DLEU7: variants seen among roughly 807,000 people sequenced by gnomAD.
The protein encoded by DLEU7 is deleted in lymphocytic leukemia 7.
Under a neutral mutation model 16.0 loss-of-function variants are expected in DLEU7, and 17 were observed. The observed-to-expected ratio is 1.06, with a 90% confidence interval of 0.73 to 1.59. The LOEUF is 1.59. DLEU7 is among the 40% of genes most tolerant of loss of function. DLEU7 has a pLI of 0.00. For synonymous variants in DLEU7, 113 were observed against 139.8 expected, an observed-to-expected ratio of 0.81 and a Z score of 1.35; for missense variants, 308 against 314.9, an observed-to-expected ratio of 0.98 and a Z score of 0.17.
intron 1 of DLEU7, among the ~76,000 whole-genome samples, chr13:50,742,196 A>G (rs1406394058): frequency 1.3e-5 from 2 of 152,200 alleles, no homozygotes; most frequent in African/African-American, 2.4e-5. Flanking sequence ...GAACAAGAGT[A>G]ATAGTATACA....
At chr13:50,843,905 C>A (rs1877784188), upstream of DLEU7, 2 of 480,270 alleles carry the variant, frequency 4.2e-6, no homozygotes, top group Non-Finnish European at 7.3e-6. The surrounding 1 kb of genome is among the most constrained non-coding windows in gnomAD (Gnocchi z 5.7). Context: ...TGAAAATCAG[C>A]GAAATGCTGA....
chr13:50,823,857 T>C (rs921299735), intron 1 of DLEU7, among the ~76,000 whole-genome samples: 4 of 152,178 alleles, frequency 2.6e-5, no homozygotes, highest in African/African-American at 7.2e-5. Context: ...CTTGCCACCA[T>C]AAGGATAGCA....
intron 1 of DLEU7, among the ~76,000 whole-genome samples, chr13:50,837,192 TG>T (rs1877500552): frequency 6.6e-6 from 1 of 152,224 alleles, no homozygotes; most frequent in African/African-American, 2.4e-5. Context: ...CTAAGGCTCC[TG>T]ATGCATTTGC....
intron 1 of DLEU7, among the ~76,000 whole-genome samples, chr13:50,756,643 T>C (rs1874766946): frequency 2.0e-5 from 3 of 152,152 alleles, no homozygotes; most frequent in Non-Finnish European, 2.9e-5. Context: ...GCTACCTGCC[T>C]CCCAGCTGTG....
chr13:50,750,190 G>A (rs1235596712), intron 1 of DLEU7, among the ~76,000 whole-genome samples: 3 of 152,088 alleles, frequency 2.0e-5, no homozygotes, highest in Non-Finnish European at 4.4e-5. Context: ...GTTGAAAAGA[G>A]TATCTTTTCC....
intron 1 of DLEU7, among the ~76,000 whole-genome samples, chr13:50,792,024 T>C (rs1452705914): frequency 1.3e-5 from 2 of 152,206 alleles, no homozygotes; most frequent in Non-Finnish European, 2.9e-5. Context: ...TTGTCAAATC[T>C]GGGGAAAACT....
At chr13:50,788,248 A>G (rs1044850392) in intron 1 of DLEU7, among the ~76,000 whole-genome samples, 5 of 152,000 alleles carry the variant, frequency 3.3e-5, no homozygotes, top group African/African-American at 9.7e-5. Context: ...CTGGCTAGAC[A>G]CCCAGCAAAC....
intron 1 of DLEU7, among the ~76,000 whole-genome samples, chr13:50,740,072 T>A (rs755039849): frequency 1.8e-4 from 27 of 152,326 alleles, no homozygotes; most frequent in Non-Finnish European, 2.8e-4. Context: ...GGAATTTAAA[T>A]GTTTCAAGTT....
rs191740827 is a variant in DLEU7, at chr13:50,736,282, A to G, written c.460-23042T>C. ...AACCAAATACCATGTGTTCTCACTT[A>G]TAAGTGGCAGCTAAATAATGAGAAC... On this transcript the variant is annotated intron_variant, in intron 1 of 1. Transcript: ENST00000400393. Among the ~76,000 whole-genome samples the G allele has an allele frequency of 2.1e-3, 320 of 152,296 alleles. 1 individual carries two copies. The highest frequency in any genetic ancestry group is 7.4e-3 in the African/African-American group (306 of 41,580).
intron 1 of DLEU7, among the ~76,000 whole-genome samples, chr13:50,768,231 T>C (rs1443609723): frequency 6.6e-6 from 1 of 152,208 alleles, no homozygotes; most frequent in African/African-American, 2.4e-5. Context: ...CATATATACA[T>C]ATATATATTT....
intron 1 of DLEU7, chr13:50,719,617 A>G (rs1873537180): frequency 6.6e-6 from 1 of 152,088 alleles, no homozygotes; most frequent in African/African-American, 2.4e-5. Context: ...ACGGGAAACA[A>G]CTGTTTTAAA....
chr13:50,781,779 G>A (rs1875655426), intron 1 of DLEU7, among the ~76,000 whole-genome samples: 1 of 152,090 alleles, frequency 6.6e-6, no homozygotes, highest in Admixed American at 6.5e-5. Flanking sequence ...TTTTGCCTTA[G>A]ATGAAATAGA....
rs934790565 is a variant in DLEU7, at chr13:50,735,942, T to C, written c.460-22702A>G. On this transcript the variant is annotated intron_variant, in intron 1 of 1. Transcript: ENST00000400393. ...TTAGTTTAACCATTGTGGAAAGCAGTGTGGCTATTCCTCGAATAGCTAAAA... is the reference window on the plus strand; with the variant it reads ...TTAGTTTAACCATTGTGGAAAGCAGCGTGGCTATTCCTCGAATAGCTAAAA... 3.9e-5 allele frequency among the ~76,000 whole-genome samples: 6 copies of C among 152,162 alleles called. No homozygotes were observed. In the East Asian group the frequency reaches 1.2e-3, roughly 29 times the overall value.
chr13:50,803,078 C>T lies in DLEU7; in HGVS notation c.459+40110G>A, dbSNP rs1241556730. 2.6e-5 allele frequency among the ~76,000 whole-genome samples: 4 copies of T among 152,270 alleles called. 1 individual carries two copies. The East Asian group carries it at 7.7e-4, about 29-fold the overall frequency. On this transcript the variant is annotated intron_variant, in intron 1 of 1. Transcript: ENST00000400393. Reference sequence around the variant, plus strand: ...CCAATAGCCTAACAGGTCATTGGTACATAAATCATTTCACACATTTGCAAA... The same window carrying T: ...CCAATAGCCTAACAGGTCATTGGTATATAAATCATTTCACACATTTGCAAA...
chr13:50,794,150 A>T (rs1427621153), intron 1 of DLEU7, among the ~76,000 whole-genome samples: 1 of 152,132 alleles, frequency 6.6e-6, no homozygotes, highest in Non-Finnish European at 1.5e-5. Context: ...TATTGTTTAC[A>T]CTTTGACTTT....
intron 1 of DLEU7, among the ~76,000 whole-genome samples, chr13:50,814,591 T>C (rs535447618): frequency 4.6e-5 from 7 of 151,232 alleles, no homozygotes; most frequent in East Asian, 2.0e-4. Flanking sequence ...AAGAACCCAA[T>C]TGGGCCAACC....
intron 1 of DLEU7, among the ~76,000 whole-genome samples, chr13:50,767,342 G>C (rs1002241552): frequency 6.6e-6 from 1 of 151,576 alleles, no homozygotes; most frequent in Non-Finnish European, 1.5e-5. Context: ...TGTAGTCCCA[G>C]CTACGCGGGA....
intron 1 of DLEU7, among the ~76,000 whole-genome samples, chr13:50,790,124 G>T (rs1875908986): frequency 6.6e-6 from 1 of 151,830 alleles, no homozygotes; most frequent in Non-Finnish European, 1.5e-5. Context: ...GTAGAGATGG[G>T]ATTTCACTAT....
rs1184299964 is a variant in DLEU7, at chr13:50,823,527, T to G, written c.460-7A>C. On this transcript the variant is annotated splice_polypyrimidine_tract_variant and splice_region_variant and intron_variant, in intron 1 of 1. Coordinates refer to ENST00000504404, the MANE Select transcript of DLEU7 (RefSeq NM_001306135.2). ...TTCTAAACTCAACACTATCCTGAAA[T>G]GAACAACAAACACAAACAAGAAATT... The G allele has an allele frequency of 2.2e-5, 34 of 1,535,088 alleles. No individual in the cohort carries two copies. The highest frequency in any genetic ancestry group is 2.8e-5 in the Non-Finnish European group (32 of 1,146,170).
Sources: gnomAD v4.1 joint callset for allele counts (sites outside exome capture counted in the v4.1 genomes callset) on GRCh38, gnomAD v4.1.1 for gene constraint, Gnocchi (gnomAD v3.1) non-coding constraint, MANE v1.5 for transcripts, NCBI Gene and HGNC (gene_info 2026-07-23, HGNC 2026-07-21) for gene names.